ALMS1: variants seen among roughly 807,000 people sequenced by gnomAD.
ALMS1 encodes centrosome-associated protein ALMS1.
ALMS1 carries 271 observed loss-of-function variants against 352.2 expected under a neutral mutation model. The observed-to-expected ratio is 0.77, with a 90% CI of 0.70 to 0.85. The LOEUF (loss-of-function observed/expected upper bound fraction) is 0.85, where lower values mean the gene tolerates loss of function less well. Among genes scored for constraint, ALMS1 ranks in the 40% least tolerant of loss-of-function variants. The probability of loss-of-function intolerance (pLI) is 0.00; values close to 1 mark genes in which losing one functional copy is unlikely to be tolerated. For synonymous variants in ALMS1, 1,865 were observed against 1,761.2 expected, an observed-to-expected ratio of 1.06 and a Z score of -1.48; for missense variants, 5,445 against 4,870.7, an observed-to-expected ratio of 1.12 and a Z score of -3.51.
At chr2:73,405,211 G>T (rs750413440) in intron 1 of ALMS1, among the ~76,000 whole-genome samples, 1 of 152,010 alleles carries the variant, frequency 6.6e-6, no homozygotes, top group African/African-American at 2.4e-5. Flanking sequence ...ACTGCGCCTG[G>T]CCATGGGCTT....
chr2:73,465,147 C>T (rs536332437), intron 9 of ALMS1, among the ~76,000 whole-genome samples: 3 of 150,362 alleles, frequency 2.0e-5, no homozygotes, highest in East Asian at 1.9e-4. Flanking sequence ...CTTTAAAGTT[C>T]ATATGGAACC....
rs368354870 is a variant in ALMS1, at chr2:73,408,628, C to G, written c.331C>G (p.Pro111Ala). The G allele has an allele frequency of 6.3e-5, 102 of 1,612,756 alleles. 1 individual carries two copies. The South Asian group carries it at 1.0e-3, about 16-fold the overall frequency. ...GERTSLEKIV[P>A]LTCHVWQQIV... Reference sequence around the variant, plus strand: ...GCCTGCTTTTGATTTTCAGATTGTTCCATTGACCTGTCATGTATGGCAACA... The same window carrying G: ...GCCTGCTTTTGATTTTCAGATTGTTGCATTGACCTGTCATGTATGGCAACA... Residue 111 changes from proline (P) to alanine (A), a missense_variant, in exon 2 of 23, where the codon CCA (proline) becomes GCA (alanine). Transcript: ENST00000613296.
At chr2:73,588,753 A>G (rs966575514) in intron 16 of ALMS1, among the ~76,000 whole-genome samples, 2 of 152,194 alleles carry the variant, frequency 1.3e-5, no homozygotes, top group Non-Finnish European at 2.9e-5. Flanking sequence ...AAACAACACA[A>G]GCAAACTACC....
chr2:73,550,532 G>A, intron 13 of ALMS1, 95 bp downstream of exon 13: 2 of 1,494,444 alleles, frequency 1.3e-6, no homozygotes, highest in Non-Finnish European at 1.8e-6. Context: ...TTTCTGTTTT[G>A]TTATACAAGC....
At chr2:73,430,685 A>G (rs936288530) in intron 6 of ALMS1, among the ~76,000 whole-genome samples, 1 of 152,124 alleles carries the variant, frequency 6.6e-6, no homozygotes, top group African/African-American at 2.4e-5. Flanking sequence ...AGTTGCCTAC[A>G]ATATTTAGAA....
rs1417025395 is a variant in ALMS1, at chr2:73,455,296, G to T, written c.7674+1G>T. ...TGGAAGAACAACTGACTTGTCCAAGGTATAAAAGAAATCTGGAAATGAAGA... is the reference window on the plus strand; with the variant it reads ...TGGAAGAACAACTGACTTGTCCAAGTTATAAAAGAAATCTGGAAATGAAGA... On this transcript the variant is annotated splice_donor_variant, in intron 9 of 22. Coordinates refer to ENST00000613296, the MANE Select transcript of ALMS1 (RefSeq NM_001378454.1). LOFTEE classifies it high-confidence loss of function. The T allele has an allele frequency of 1.2e-6, 2 of 1,613,946 alleles. No individual in the cohort carries two copies. The highest frequency in any genetic ancestry group is 1.7e-6 in the Non-Finnish European group (2 of 1,179,948).
intron 10 of ALMS1, among the ~76,000 whole-genome samples, chr2:73,515,600 A>G (rs1238841155): frequency 1.3e-5 from 2 of 152,196 alleles, no homozygotes. Flanking sequence ...GAACTGTATG[A>G]AATTGAGATG....
rs566848164 is a variant in ALMS1, at chr2:73,391,531, GAT to G, written c.324+5341_324+5342del. 6.6e-5 allele frequency among the ~76,000 whole-genome samples: 10 copies of G among 151,052 alleles called. No individual in the cohort carries two copies. The East Asian group carries it at 1.6e-3, about 24-fold the overall frequency. The stretch of plus-strand genomic sequence containing the variant: ...GATGGTCTCCATCTCCTGACCTCGT[GAT>G]ACACCCGCCTCGGCCTCCCAAAGTG... On this transcript the variant is annotated intron_variant, in intron 1 of 22. Transcript: ENST00000613296.
rs1220294777 is a variant in ALMS1 at position 73,489,813 on chromosome 2, C to G, written c.7854C>G (p.Asn2618Lys). 1.2e-6 allele frequency: 2 copies of G among 1,614,008 alleles called. No homozygotes were observed. The highest frequency in any genetic ancestry group is 2.7e-5 in the African/African-American group (2 of 74,894). The change falls in exon 10 of 23, where the codon AAC becomes AAG. Residue 2618 changes from asparagine to lysine, a missense_variant. Asn to Lys is a moderately conservative substitution (Grantham distance 94, BLOSUM62 0). Coordinates refer to ENST00000613296, the MANE Select transcript of ALMS1 (RefSeq NM_001378454.1). ...GPSEMTRGRQ[N>K]PSSCRAKHVN... Reference sequence around the variant, plus strand: ...CAGAAATGACCAGAGGACGGCAGAACCCATCATCATGCAGAGCCAAGCATG... The same window carrying G: ...CAGAAATGACCAGAGGACGGCAGAAGCCATCATCATGCAGAGCCAAGCATG...
Position 73,490,604 on chromosome 2 carries a change from T to G in ALMS1, c.8645T>G (p.Leu2882Arg), listed in dbSNP as rs1558667212. The G allele has an allele frequency of 6.2e-7, 1 of 1,614,190 alleles. No individual in the cohort carries two copies. The highest frequency in any genetic ancestry group is 2.2e-5 in the East Asian group (1 of 44,878). Reference sequence around the variant, plus strand: ...CCAGATCTTCCTTCTTGCATTTTTCTTGAACAACGAGAGCTCTTTGAACAA... The same window carrying G: ...CCAGATCTTCCTTCTTGCATTTTTCGTGAACAACGAGAGCTCTTTGAACAA... ...ITPDLPSCIF[L>R]EQRELFEQSK... is the part of the protein sequence containing the mutation. The change falls in exon 10 of 23, where the codon CTT (leucine) becomes CGT (arginine). Residue 2882 changes from leucine to arginine, a missense_variant. Leu to Arg is a moderately radical substitution (Grantham distance 102). Coordinates refer to ENST00000613296, the MANE Select transcript of ALMS1 (RefSeq NM_001378454.1).
At chr2:73,554,675 T>C (rs1048811991) in intron 13 of ALMS1, among the ~76,000 whole-genome samples, 2 of 152,156 alleles carry the variant, frequency 1.3e-5, no homozygotes, top group African/African-American at 4.8e-5. Flanking sequence ...ATCACGCCAC[T>C]GCACTCCAGC....
At chr2:73,441,148 G>T (rs938258749) in intron 7 of ALMS1, among the ~76,000 whole-genome samples, 3 of 152,202 alleles carry the variant, frequency 2.0e-5, no homozygotes, top group African/African-American at 7.2e-5. Context: ...CTTGTTGATG[G>T]CATTCATGGG....
At position 73,424,625 on chromosome 2, in the gene ALMS1, T is replaced by A. The variant is rs1558639254; in HGVS notation, c.960T>A (p.Asn320Lys). 2.5e-6 allele frequency: 4 copies of A among 1,614,026 alleles called. No individual in the cohort carries two copies. The highest frequency in any genetic ancestry group is 3.4e-6 in the Non-Finnish European group (4 of 1,179,996). The change falls in exon 5 of 23, where the codon AAT becomes AAA. Residue 320 changes from asparagine to lysine, a missense_variant. Physicochemically the swap from Asn to Lys is moderately conservative, Grantham distance 94. Coordinates refer to ENST00000613296, the MANE Select transcript of ALMS1 (RefSeq NM_001378454.1). ...CPFLPSEQGN[N>K]EETISSVDEL... ...TTTTACCTTCTGAACAAGGGAATAA[T>A]GAAGAGACTATTTCGTCTGTTGATG...
intron 16 of ALMS1, among the ~76,000 whole-genome samples, chr2:73,589,337 T>C (rs1675374864): frequency 6.6e-6 from 1 of 152,192 alleles, no homozygotes; most frequent in Admixed American, 6.5e-5. Flanking sequence ...TCTAGAAGTA[T>C]AGTGAAATAA....
chr2:73,421,964 A>G (rs1313384335), intron 3 of ALMS1, among the ~76,000 whole-genome samples: 2 of 152,030 alleles, frequency 1.3e-5, no homozygotes, highest in Non-Finnish European at 2.9e-5. Flanking sequence ...TTTTTTTTTC[A>G]TTAAAGCAGC....
chr2:73,463,243 CAA>C (rs1672247598), intron 9 of ALMS1, among the ~76,000 whole-genome samples: 1 of 152,142 alleles, frequency 6.6e-6, no homozygotes, highest in African/African-American at 2.4e-5. Context: ...GAAATTATAA[CAA>C]ACTATCTCTC....
chr2:73,405,088 AT>A (rs1483006021), intron 1 of ALMS1, among the ~76,000 whole-genome samples: 1 of 151,036 alleles, frequency 6.6e-6, no homozygotes. Flanking sequence ...TTTTCGTTGT[AT>A]TTTTAGTAGA....
Position 73,550,355 on chromosome 2 carries a change from TAAAG to T in ALMS1, c.9999_10002del (p.Gly3335SerfsTer6). On this transcript the variant is annotated frameshift_variant, in exon 13 of 23. Transcript: ENST00000613296. LOFTEE classifies it high-confidence loss of function. ...TCTCAGCCACTGTTAACATTAAACA[TAAAG>T]AAGGAATCTACAGTAAGAGGGTAGT... is the stretch of plus-strand genomic sequence containing the variant. 1 of 1,614,166 alleles carries T rather than the reference TAAAG, an allele frequency of 6.2e-7. No individual in the cohort carries two copies.
At chr2:73,431,090 G>A (rs1671491165) in intron 6 of ALMS1, among the ~76,000 whole-genome samples, 1 of 151,980 alleles carries the variant, frequency 6.6e-6, no homozygotes, top group Admixed American at 6.6e-5. Flanking sequence ...CCTGAGTATT[G>A]TAGGATGTTT....
Sources: gnomAD v4.1 joint callset for allele counts (sites outside exome capture counted in the v4.1 genomes callset) on GRCh38, gnomAD v4.1.1 for gene constraint, MANE v1.5 for transcripts, NCBI Gene and HGNC (gene_info 2026-07-23, HGNC 2026-07-21) for gene names.